The following TCF4 variants were observed in gnomAD, a reference collection of about 807,000 sequenced individuals.
The protein encoded by TCF4 is SL3-3 enhancer factor 2.
Under a neutral mutation model 82.1 loss-of-function variants are expected in TCF4, and 3 were observed. That is an observed-to-expected ratio of 0.04 (90% confidence interval 0.02 to 0.09). The LOEUF is 0.09. TCF4 is among the 10% of genes least tolerant of loss of function. The probability of loss-of-function intolerance (pLI) is 1.00; values close to 1 mark genes in which losing one functional copy is unlikely to be tolerated. For missense variants in TCF4, 518 were observed against 852.7 expected (o/e 0.61, Z 4.89); for synonymous variants, 276 against 309.6 (o/e 0.89, Z 1.14).
chr18:55,274,876 G>A (rs1259559316), intron 10 of TCF4, among the ~76,000 whole-genome samples: 1 of 152,130 alleles, frequency 6.6e-6, no homozygotes, highest in Non-Finnish European at 1.5e-5. Flanking sequence ...AAGGCTAGAA[G>A]AAAGTCAGCT....
intron 5 of TCF4, 116 bp downstream of exon 5, chr18:55,460,903 A>T: frequency 1.2e-6 from 1 of 853,208 alleles, no homozygotes; most frequent in South Asian, 1.4e-5. Flanking sequence ...ATTACAAGTG[A>T]ACTGACTAAA....
At chr18:55,589,799 G>A (rs1374360790), upstream of TCF4, 1 of 1,009,330 alleles carries the variant, frequency 9.9e-7, no homozygotes, top group Non-Finnish European at 1.2e-6. Flanking sequence ...GGGAACTGCG[G>A]GCTTATAAAG....
chr18:55,387,815 C>T (rs1328805429), intron 6 of TCF4, among the ~76,000 whole-genome samples: 2 of 152,118 alleles, frequency 1.3e-5, no homozygotes, highest in Admixed American at 6.5e-5. Context: ...GATGTGTTTC[C>T]GGCTGCTGCT....
At chr18:55,585,658 C>A (rs34603418) in intron 2 of TCF4, 9 of 716,644 alleles carry the variant, frequency 1.3e-5, no homozygotes, top group Non-Finnish European at 1.7e-5. Context: ...AGGCCAGCAG[C>A]CTCTCTAGAA....
intron 13 of TCF4, among the ~76,000 whole-genome samples, chr18:55,258,683 A>C (rs1461303840): frequency 1.3e-5 from 2 of 152,164 alleles, no homozygotes; most frequent in Non-Finnish European, 2.9e-5. Context: ...GAATAAAATG[A>C]AAGCTACTTT....
rs542641718 is a variant in TCF4, at chr18:55,429,146, C to T, written c.305-25628G>A. On this transcript the variant is annotated intron_variant, in intron 5 of 19. Transcript: ENST00000354452. ...AGAACCATCAAAGGCCCACAGACGG[C>T]ATATAAGTGAAATGAAGCCTTAGCA... Among the ~76,000 whole-genome samples, 10 of 152,242 alleles carry T rather than the reference C, an allele frequency of 6.6e-5. No individual in the cohort carries two copies. The South Asian group carries it at 1.9e-3, about 28-fold the overall frequency.
intron 3 of TCF4, among the ~76,000 whole-genome samples, chr18:55,502,239 T>C (rs2096709892): frequency 6.6e-6 from 1 of 152,180 alleles, no homozygotes; most frequent in Admixed American, 6.5e-5. Flanking sequence ...GGAGTAGGTG[T>C]TACAACCCCT....
intron 3 of TCF4, among the ~76,000 whole-genome samples, chr18:55,514,405 G>GCGCA (rs1555716176): frequency 7.7e-6 from 1 of 130,172 alleles, no homozygotes; most frequent in South Asian, 2.8e-4. Context: ...ATCTATCCAT[G>GCGCA]CACACACACA....
intron 3 of TCF4, chr18:55,495,897 A>G (rs1256054659): frequency 6.6e-6 from 1 of 152,150 alleles, no homozygotes; most frequent in Non-Finnish European, 1.5e-5. Context: ...ATAATTCACG[A>G]CCTGTCCTTT....
intron 9 of TCF4, among the ~76,000 whole-genome samples, chr18:55,278,597 C>G (rs1274308485): frequency 1.3e-5 from 2 of 152,068 alleles, no homozygotes; most frequent in African/African-American, 4.8e-5. Context: ...GAGATGGAGT[C>G]TCGCTCTGTT....
intron 17 of TCF4, chr18:55,230,777 C>T (rs915799384): frequency 1.3e-5 from 2 of 152,228 alleles, no homozygotes; most frequent in Non-Finnish European, 2.9e-5. Flanking sequence ...CTCTGGGTAA[C>T]TTCCAAGTGG....
At chr18:55,424,285 G>A (rs1216112877) in intron 5 of TCF4, among the ~76,000 whole-genome samples, 1 of 152,070 alleles carries the variant, frequency 6.6e-6, no homozygotes, top group Non-Finnish European at 1.5e-5. Context: ...AGCTTCCAAG[G>A]AATCAGCTCT....
chr18:55,481,740 G>C (rs907694911), intron 3 of TCF4, among the ~76,000 whole-genome samples: 1 of 152,126 alleles, frequency 6.6e-6, no homozygotes, highest in Non-Finnish European at 1.5e-5. Context: ...TTACCACCCT[G>C]ACTCCTAGAC....
chr18:55,610,786 T>C (rs943007954), intron 2 of TCF4, among the ~76,000 whole-genome samples: 2 of 152,226 alleles, frequency 1.3e-5, no homozygotes, highest in African/African-American at 2.4e-5. Flanking sequence ...CTCTGCCTTT[T>C]GTGACATTTG....
intron 9 of TCF4, among the ~76,000 whole-genome samples, chr18:55,276,362 C>A (rs1340577111): frequency 6.6e-6 from 1 of 151,944 alleles, no homozygotes; most frequent in East Asian, 1.9e-4. Context: ...CTATCTTAAA[C>A]CTTCAGTAGC....
chr18:55,490,672 T>G (rs1167831899), intron 3 of TCF4, among the ~76,000 whole-genome samples: 2 of 151,852 alleles, frequency 1.3e-5, no homozygotes, highest in African/African-American at 4.8e-5. Flanking sequence ...TATTGTGTAG[T>G]TCAGGCACGT....
At chr18:55,436,405 A>C (rs988566619) in intron 5 of TCF4, among the ~76,000 whole-genome samples, 1 of 152,252 alleles carries the variant, frequency 6.6e-6, no homozygotes, top group African/African-American at 2.4e-5. Context: ...AATAATTTCA[A>C]TGGTAAAATG....
chr18:55,442,484 G>A (rs898435577), intron 5 of TCF4, among the ~76,000 whole-genome samples: 3 of 151,938 alleles, frequency 2.0e-5, no homozygotes, highest in Non-Finnish European at 4.4e-5. Context: ...TTTCAAAAAG[G>A]GTGACAGAGA....
intron 8 of TCF4, among the ~76,000 whole-genome samples, chr18:55,348,951 T>C (rs2081773086): frequency 6.6e-6 from 1 of 152,140 alleles, no homozygotes; most frequent in Non-Finnish European, 1.5e-5. Context: ...TCATTTGAAG[T>C]TGTCATAAAA....
Sources: allele counts gnomAD v4.1 joint callset (sites outside exome capture counted in the v4.1 genomes callset), GRCh38; gene constraint gnomAD v4.1.1; transcripts MANE v1.5; gene names NCBI Gene and HGNC (gene_info 2026-07-23, HGNC 2026-07-21).